Variants in CADM2 observed in about 807,000 individuals in gnomAD.
CADM2 encodes the protein cell adhesion molecule 2.
In CADM2, 12 loss-of-function variants were observed where a neutral mutation model predicts 49.8. The ratio of observed to expected loss-of-function variants is 0.24; its 90% confidence interval spans 0.15 to 0.39. CADM2 has a LOEUF of 0.39. CADM2 is among the 10% of genes least tolerant of loss of function. The pLI, the probability that CADM2 is intolerant of heterozygous loss-of-function variation, is 1.00. For missense variants in CADM2, 378 were observed against 492.3 expected, an observed-to-expected ratio of 0.77 and a Z score of 2.20; for synonymous variants, 214 against 175.4, an observed-to-expected ratio of 1.22 and a Z score of -1.74.
At chr3:85,857,951 G>T (rs1034565835) in intron 3 of CADM2, among the ~76,000 whole-genome samples, 1 of 152,110 alleles carries the variant, frequency 6.6e-6, no homozygotes, top group African/African-American at 2.4e-5. Flanking sequence ...GGTGACTGCA[G>T]GTAATGAGTT....
At chr3:85,487,507 G>A (rs1434922315) in intron 1 of CADM2, among the ~76,000 whole-genome samples, 8 of 151,934 alleles carry the variant, frequency 5.3e-5, no homozygotes, top group African/African-American at 1.9e-4. Context: ...AGGAGTAGGA[G>A]GAAGTGGAGG....
At chr3:85,368,504 G>A (rs2032963423) in intron 1 of CADM2, among the ~76,000 whole-genome samples, 1 of 150,352 alleles carries the variant, frequency 6.7e-6, no homozygotes, top group African/African-American at 2.4e-5. Flanking sequence ...ATTCATATGT[G>A]TGTATATATA....
intron 1 of CADM2, among the ~76,000 whole-genome samples, chr3:85,516,539 C>A (rs574502343): frequency 6.6e-6 from 1 of 152,072 alleles, no homozygotes; most frequent in Non-Finnish European, 1.5e-5. Flanking sequence ...TTTCAATTAC[C>A]AGAGATTTTA....
intron 1 of CADM2, among the ~76,000 whole-genome samples, chr3:85,687,722 A>G (rs1044011264): frequency 1.3e-5 from 2 of 152,168 alleles, no homozygotes; most frequent in African/African-American, 4.8e-5. Flanking sequence ...ATATGTGGGT[A>G]ATTAGATGTC....
chr3:85,404,713 G>A (rs2035289914), intron 1 of CADM2, among the ~76,000 whole-genome samples: 1 of 152,254 alleles, frequency 6.6e-6, no homozygotes, highest in African/African-American at 2.4e-5. Flanking sequence ...AGAATAGGAT[G>A]TATGATGGCT....
intron 1 of CADM2, among the ~76,000 whole-genome samples, chr3:85,390,488 C>T (rs2034465453): frequency 6.6e-6 from 1 of 152,078 alleles, no homozygotes; most frequent in African/African-American, 2.4e-5. Flanking sequence ...CAGTCTAACA[C>T]TCTTGCTATG....
chr3:85,566,849 T>C (rs2062275492), intron 1 of CADM2, among the ~76,000 whole-genome samples: 1 of 152,180 alleles, frequency 6.6e-6, no homozygotes, highest in African/African-American at 2.4e-5. Flanking sequence ...TGAGGAAGAA[T>C]AGGCAAAATG....
chr3:86,050,065 C>A (rs772635317), intron 8 of CADM2, among the ~76,000 whole-genome samples: 14 of 152,180 alleles, frequency 9.2e-5, no homozygotes, highest in Non-Finnish European at 2.1e-4. Flanking sequence ...AGGCAAGTCT[C>A]TTCTGCCTAT....
intron 8 of CADM2, among the ~76,000 whole-genome samples, chr3:85,990,777 G>A (rs1431239150): frequency 1.3e-5 from 2 of 152,194 alleles, no homozygotes; most frequent in Non-Finnish European, 2.9e-5. Flanking sequence ...ACTGCTAGGT[G>A]AAGGCTGAAA....
In CADM2 at chr3:86,012,453, C is replaced by T. The variant is rs1310072786; in HGVS notation, c.970+50806C>T. 4.4e-5 allele frequency: 24 copies of T among 547,002 alleles called. No individual in the cohort carries two copies. In the East Asian group the frequency reaches 9.2e-4, roughly 21 times the overall value. The allele number at this position is 547,002 out of a possible 1,614,324, so 33.9% of individuals were successfully genotyped here. On this transcript the variant is annotated intron_variant, in intron 8 of 9. Coordinates refer to ENST00000383699, the MANE Select transcript of CADM2 (RefSeq NM_001167675.2). ...CGCCCGCCCCTCGCCCGCGCGCCGG[C>T]CCTGCAGAGCCGGCCGACCTGGCTC...
chr3:85,879,458 A>G (rs1712408645), intron 3 of CADM2, among the ~76,000 whole-genome samples: 1 of 152,148 alleles, frequency 6.6e-6, no homozygotes, highest in Admixed American at 6.6e-5. Context: ...AAAGATACTT[A>G]GAATCACAAT....
intron 1 of CADM2, among the ~76,000 whole-genome samples, chr3:84,961,848 C>G (rs756577537): frequency 6.6e-6 from 1 of 152,128 alleles, no homozygotes; most frequent in Non-Finnish European, 1.5e-5. Flanking sequence ...CACTTGGGGT[C>G]GCCTCCTCTC....
At chr3:85,764,732 T>G (rs1478498711) in intron 2 of CADM2, among the ~76,000 whole-genome samples, 1 of 152,016 alleles carries the variant, frequency 6.6e-6, no homozygotes, top group Non-Finnish European at 1.5e-5. Context: ...CTAAAGAAAT[T>G]GCAAGTTCCT....
At chr3:86,041,797 A>T (rs2107247343) in intron 8 of CADM2, among the ~76,000 whole-genome samples, 2 of 152,294 alleles carry the variant, frequency 1.3e-5, no homozygotes, top group South Asian at 4.1e-4. Context: ...GCACCACACC[A>T]CACCTATTCC....
At chr3:85,480,002 A>G (rs1325840333) in intron 1 of CADM2, among the ~76,000 whole-genome samples, 1 of 151,566 alleles carries the variant, frequency 6.6e-6, no homozygotes, top group Non-Finnish European at 1.5e-5. Context: ...ATTTTATACT[A>G]TTTTTTTTAA....
chr3:85,839,896 G>GTAA (rs2074567235), intron 3 of CADM2, among the ~76,000 whole-genome samples: 2 of 151,790 alleles, frequency 1.3e-5, no homozygotes, highest in South Asian at 4.1e-4. Flanking sequence ...ATAATTACGG[G>GTAA]TAATAAAAGA....
chr3:85,487,428 G>C (rs1421210349), intron 1 of CADM2, among the ~76,000 whole-genome samples: 2 of 152,158 alleles, frequency 1.3e-5, no homozygotes, highest in African/African-American at 4.8e-5. Flanking sequence ...CTACTTGGGA[G>C]ATTGAGGTGG....
chr3:85,173,377 T>A (rs1365486413), intron 1 of CADM2, among the ~76,000 whole-genome samples: 1 of 152,174 alleles, frequency 6.6e-6, no homozygotes, highest in Non-Finnish European at 1.5e-5. Context: ...CTAACTTCTA[T>A]CTCATGTAAC....
intron 2 of CADM2, among the ~76,000 whole-genome samples, chr3:85,799,544 A>G (rs1216793445): frequency 6.6e-6 from 1 of 152,132 alleles, no homozygotes; most frequent in Non-Finnish European, 1.5e-5. Flanking sequence ...GGTTTTTGTC[A>G]TTGGTTCTGT....
Sources: allele counts gnomAD v4.1 joint callset (sites outside exome capture counted in the v4.1 genomes callset), GRCh38; gene constraint gnomAD v4.1.1; transcripts MANE v1.5; gene names NCBI Gene and HGNC (gene_info 2026-07-23, HGNC 2026-07-21).